Variants in SH3GL2 observed in about 807,000 individuals in gnomAD.
SH3GL2 encodes the protein endophilin-A1.
A neutral mutation model predicts 46.0 loss-of-function variants in SH3GL2; 24 were observed. The observed-to-expected ratio is 0.52, with a 90% CI of 0.38 to 0.73. The LOEUF is 0.73. Among genes scored for constraint, SH3GL2 ranks in the 30% least tolerant of loss-of-function variants. The pLI is 0.00. For missense variants in SH3GL2, 413 were observed against 424.2 expected, an observed-to-expected ratio of 0.97 and a Z score of 0.23; for synonymous variants, 196 against 147.1, an observed-to-expected ratio of 1.33 and a Z score of -2.40.
At chr9:17,706,441 G>A (rs1475570480) in intron 1 of SH3GL2, among the ~76,000 whole-genome samples, 1 of 152,088 alleles carries the variant, frequency 6.6e-6, no homozygotes, top group Non-Finnish European at 1.5e-5. Context: ...AGTTGTACCA[G>A]GCTTTTGATT....
rs1235813535 is a variant in SH3GL2, at chr9:17,795,961, ACAT to A, written c.*223_*225del. The A allele has an allele frequency of 5.5e-6, 3 of 549,432 alleles. No homozygotes were observed. The highest frequency in any genetic ancestry group is 9.8e-6 in the Non-Finnish European group (3 of 307,408). 34.0% of individuals were successfully genotyped at this position (549,432 alleles called of 1,614,324 possible). A position where few individuals can be genotyped will look rare whatever the true frequency, so the allele number is the denominator to read the frequency against. ...GTGGGCGTGGCATGTGCTTTTTAAA[ACAT>A]CATCTGAGACCAGCCAGTAGTCACA... On this transcript the variant is annotated 3_prime_UTR_variant, in exon 9 of 9. Coordinates refer to ENST00000380607, the MANE Select transcript of SH3GL2 (RefSeq NM_003026.5).
intron 1 of SH3GL2, among the ~76,000 whole-genome samples, chr9:17,606,083 A>AGGTT (rs111764544): frequency 0.048 from 4,219 of 87,500 alleles, 189 homozygotes; most frequent in African/African-American, 0.11. Flanking sequence ...CACTTGCGTG[A>AGGTT]GGTTTGTTTG....
At chr9:17,786,225 A>C (rs923492008) in intron 3 of SH3GL2, among the ~76,000 whole-genome samples, 156 bp from the exon 4 acceptor site, 1 of 152,158 alleles carries the variant, frequency 6.6e-6, no homozygotes, top group Non-Finnish European at 1.5e-5. Context: ...GGTTGATAAG[A>C]CTGACTGACG....
chr9:17,771,540 T>C (rs1186143124), intron 3 of SH3GL2, among the ~76,000 whole-genome samples: 1 of 152,228 alleles, frequency 6.6e-6, no homozygotes, highest in East Asian at 1.9e-4. Flanking sequence ...TCTGAAAACC[T>C]GAGAAAGCAA....
intron 3 of SH3GL2, among the ~76,000 whole-genome samples, chr9:17,783,933 C>G (rs1159250056): frequency 6.6e-6 from 1 of 152,114 alleles, no homozygotes; most frequent in African/African-American, 2.4e-5. Flanking sequence ...TCCAGGCTCA[C>G]TCTCAGTTTC....
chr9:17,688,247 T>C (rs1820976679), intron 1 of SH3GL2, among the ~76,000 whole-genome samples: 1 of 152,090 alleles, frequency 6.6e-6, no homozygotes. Flanking sequence ...TGGCAGCCTT[T>C]TTGGCCAAAT....
chr9:17,764,401 G>C (rs905853335), intron 3 of SH3GL2, among the ~76,000 whole-genome samples: 1 of 152,214 alleles, frequency 6.6e-6, no homozygotes, highest in Non-Finnish European at 1.5e-5. Context: ...GACACCCAGA[G>C]AGACAGTCCT....
At chr9:17,795,334 G>A (rs923927890) in intron 8 of SH3GL2, among the ~76,000 whole-genome samples, 4 of 152,170 alleles carry the variant, frequency 2.6e-5, no homozygotes, top group Non-Finnish European at 5.9e-5. Context: ...CCAAAGGTCC[G>A]AGAAAGCTTC....
intron 2 of SH3GL2, among the ~76,000 whole-genome samples, chr9:17,756,688 G>A (rs897831460): frequency 6.6e-6 from 1 of 152,012 alleles, no homozygotes; most frequent in African/African-American, 2.4e-5. Flanking sequence ...GTATTCCATG[G>A]TGTATATGTG....
At chr9:17,579,315 G>C (rs911682310) in intron 1 of SH3GL2, 28 bp downstream of exon 1, 14 of 1,508,124 alleles carry the variant, frequency 9.3e-6, no homozygotes, top group Non-Finnish European at 1.3e-5. Flanking sequence ...TGCGTCCCGG[G>C]GCAGTCCGGG....
In SH3GL2 at chr9:17,793,399, A is replaced by C; in HGVS notation, c.761A>C (p.Glu254Ala). Residue 254 changes from glutamate to alanine, a missense_variant, in exon 8 of 9, where the codon GAA (glutamate) becomes GCA (alanine). By Grantham distance (107) the Glu-to-Ala change is moderately radical. This residue lies in a region of SH3GL2 where 248 missense variants were observed against 215.0 expected (regional missense o/e 1.15). Coordinates refer to ENST00000380607, the MANE Select transcript of SH3GL2 (RefSeq NM_003026.5). ...CAGGCTTCATCTCAGCCTAGAAGGG[A>C]ATATCAACCTAAACCACGAATGAGC... is the stretch of plus-strand genomic sequence containing the variant. ...IRQASSQPRREYQPKPRMSLE... is the reference protein window; with the variant it reads ...IRQASSQPRRAYQPKPRMSLE... 6.2e-7 allele frequency: 1 copy of C among 1,612,982 alleles called. No individual in the cohort carries two copies. Among genetic ancestry groups the C allele is most frequent in the South Asian group, 1.1e-5 (1 of 90,866 alleles).
chr9:17,632,552 A>T (rs1272793260), intron 1 of SH3GL2, among the ~76,000 whole-genome samples: 1 of 152,216 alleles, frequency 6.6e-6, no homozygotes, highest in Admixed American at 6.5e-5. Flanking sequence ...GAAATTGTAG[A>T]TGATGTTATA....
chr9:17,669,479 G>A (rs1820421388), intron 1 of SH3GL2, among the ~76,000 whole-genome samples: 1 of 152,062 alleles, frequency 6.6e-6, no homozygotes, highest in South Asian at 2.1e-4. Context: ...CTCCATTTCT[G>A]TAATTTTGTC....
chr9:17,740,654 G>A (rs1382267166), intron 1 of SH3GL2, among the ~76,000 whole-genome samples: 2 of 152,078 alleles, frequency 1.3e-5, no homozygotes, highest in Non-Finnish European at 2.9e-5. Flanking sequence ...AAGAGCTTGT[G>A]CATTAAGTAA....
rs150182115 is a variant in SH3GL2, at chr9:17,755,887, T to G, written c.115-5550T>G. Reference sequence around the variant, plus strand: ...ACCCCATTCTAGTCATTTCCATGCCTTCTATTCTTTAGTATCTTGTCTCTA... The same window carrying G: ...ACCCCATTCTAGTCATTTCCATGCCGTCTATTCTTTAGTATCTTGTCTCTA... On this transcript the variant is annotated intron_variant, in intron 2 of 8. Transcript: ENST00000380607. 1.2e-3 allele frequency: 476 copies of G among 413,078 alleles called. 3 individuals are homozygous for G. Among genetic ancestry groups the G allele is most frequent in the African/African-American group, 9.7e-3 (449 of 46,236 alleles). The allele number at this position is 413,078 out of a possible 1,614,324, so 25.6% of individuals were successfully genotyped here. A position where few individuals can be genotyped will look rare whatever the true frequency, so the allele number is the denominator to read the frequency against.
intron 3 of SH3GL2, among the ~76,000 whole-genome samples, chr9:17,766,804 C>T (rs993762116): frequency 6.6e-6 from 1 of 152,096 alleles, no homozygotes; most frequent in Non-Finnish European, 1.5e-5. Context: ...CGGTACAGCA[C>T]TAGATAGTTT....
chr9:17,720,723 A>G (rs181653592), intron 1 of SH3GL2, among the ~76,000 whole-genome samples: 6 of 152,266 alleles, frequency 3.9e-5, no homozygotes, highest in Non-Finnish European at 8.8e-5. Context: ...GAAACGTAAG[A>G]AAAATGAAGG....
chr9:17,681,282 G>A (rs981657746), intron 1 of SH3GL2, among the ~76,000 whole-genome samples: 5 of 152,154 alleles, frequency 3.3e-5, no homozygotes, highest in Admixed American at 2.0e-4. Context: ...AGTATGTGGT[G>A]GAAGACTACT....
intron 1 of SH3GL2, chr9:17,589,238 T>A (rs1309059612): frequency 6.6e-6 from 1 of 152,222 alleles, no homozygotes; most frequent in African/African-American, 2.4e-5. Flanking sequence ...CGATCACAGC[T>A]CACTACAGCC....
Sources: allele counts gnomAD v4.1 joint callset (sites outside exome capture counted in the v4.1 genomes callset), GRCh38; gene constraint gnomAD v4.1.1; regional missense constraint gnomAD v4.1.1; transcripts MANE v1.5; gene names NCBI Gene and HGNC (gene_info 2026-07-23, HGNC 2026-07-21).